Variants in EYS observed in about 807,000 individuals in gnomAD.
EYS encodes the protein protein eyes shut homolog.
EYS carries 250 observed loss-of-function variants against 282.1 expected under a neutral mutation model. That is an observed-to-expected ratio of 0.89 (90% CI 0.80 to 0.98). The LOEUF is 0.98. Among genes scored for constraint, EYS ranks in the 50% least tolerant of loss-of-function variants. The pLI is 0.00. For synonymous variants in EYS, 1,355 were observed against 1,282.9 expected, an observed-to-expected ratio of 1.06 and a Z score of -1.20; for missense variants, 4,016 against 3,709.0, an observed-to-expected ratio of 1.08 and a Z score of -2.15.
intron 22 of EYS, among the ~76,000 whole-genome samples, chr6:64,781,576 CAA>C (rs5876923): frequency 1.9e-3 from 167 of 87,704 alleles, no homozygotes; most frequent in African/African-American, 4.6e-3. Context: ...GACTCCGTCT[CAA>C]AAAAAAAAAA....
chr6:64,128,778 A>G (rs1006461607), intron 31 of EYS, among the ~76,000 whole-genome samples: 1 of 152,224 alleles, frequency 6.6e-6, no homozygotes, highest in African/African-American at 2.4e-5. Flanking sequence ...CTTCTAAGCA[A>G]TAATCATTAT....
intron 26 of EYS, among the ~76,000 whole-genome samples, chr6:64,521,898 G>A (rs1425382852): frequency 6.6e-6 from 1 of 151,828 alleles, no homozygotes; most frequent in East Asian, 1.9e-4. Flanking sequence ...CACAAGGAGT[G>A]ATAAGATGCA....
At chr6:65,661,288 C>T (rs1767992654) in intron 1 of EYS, among the ~76,000 whole-genome samples, 2 of 151,836 alleles carry the variant, frequency 1.3e-5, no homozygotes, top group South Asian at 4.1e-4. Context: ...TTTTTCCAGG[C>T]TATATCAGAA....
rs149071807 is a variant in EYS at position 63,941,913 on chromosome 6, C to T, written c.7055+42470G>A. On this transcript the variant is annotated intron_variant, in intron 35 of 42. Coordinates refer to ENST00000503581, the MANE Select transcript of EYS (RefSeq NM_001142800.2). ...AATTGGTTCCATTAATGCTTTGTCACTGAAGTCAGGAAGTACCATACATGT... is the reference window on the plus strand; with the variant it reads ...AATTGGTTCCATTAATGCTTTGTCATTGAAGTCAGGAAGTACCATACATGT... Among the ~76,000 whole-genome samples, 234 of 152,284 alleles carry T rather than the reference C, an allele frequency of 1.5e-3. 1 individual carries two copies. Among genetic ancestry groups the T allele is most frequent in the African/African-American group, 5.4e-3 (224 of 41,562 alleles).
At chr6:64,995,299 G>A (rs1330485293) in intron 14 of EYS, among the ~76,000 whole-genome samples, 1 of 152,058 alleles carries the variant, frequency 6.6e-6, no homozygotes, top group South Asian at 2.1e-4. Flanking sequence ...AACTCCAATG[G>A]GAGAATACAC....
At chr6:65,492,108 C>T (rs1299811539) in intron 4 of EYS, among the ~76,000 whole-genome samples, 1 of 152,166 alleles carries the variant, frequency 6.6e-6, no homozygotes, top group Non-Finnish European at 1.5e-5. Flanking sequence ...CAAATTAATG[C>T]AGTAAGCATT....
At chr6:65,013,412 G>A (rs1045882417) in intron 13 of EYS, among the ~76,000 whole-genome samples, 3 of 152,122 alleles carry the variant, frequency 2.0e-5, no homozygotes, top group African/African-American at 7.2e-5. Context: ...GAGGTGGGGG[G>A]CAGGTGTTTA....
At chr6:64,941,405 G>A (rs913344974) in intron 15 of EYS, among the ~76,000 whole-genome samples, 9 of 151,874 alleles carry the variant, frequency 5.9e-5, no homozygotes, top group African/African-American at 1.2e-4. Flanking sequence ...AAATATATAC[G>A]TGGTTATTAA....
At chr6:64,429,556 CAG>C (rs1301904026) in intron 28 of EYS, among the ~76,000 whole-genome samples, 1 of 152,138 alleles carries the variant, frequency 6.6e-6, no homozygotes, top group African/African-American at 2.4e-5. Context: ...GCTTAAATCA[CAG>C]AGGTGGAGGT....
At chr6:63,952,530 T>C (rs141665375) in intron 35 of EYS, among the ~76,000 whole-genome samples, 2,361 of 151,714 alleles carry the variant, frequency 0.016, 63 homozygotes, top group African/African-American at 0.053. Context: ...TAGGTATTGA[T>C]GGCCAGGCTT....
intron 41 of EYS, among the ~76,000 whole-genome samples, chr6:63,756,602 T>C (rs563244142): frequency 6.6e-6 from 1 of 152,258 alleles, no homozygotes; most frequent in Admixed American, 6.6e-5. Flanking sequence ...TTGTTGTGTC[T>C]CTGCCAGGCT....
chr6:64,429,792 A>G (rs1204541068), intron 28 of EYS, among the ~76,000 whole-genome samples: 1 of 152,186 alleles, frequency 6.6e-6, no homozygotes, highest in Non-Finnish European at 1.5e-5. Context: ...CTTGGAAAGG[A>G]AGAGAAAAAT....
At position 65,302,996 on chromosome 6, in the gene EYS, G is replaced by A. The variant is rs2150292089; in HGVS notation, c.1767-6877C>T. The A allele has an allele frequency of 2.6e-6, 4 of 1,520,196 alleles. No homozygotes were observed. The South Asian group carries it at 4.5e-5, about 17-fold the overall frequency. The allele number at this position is 1,520,196 out of a possible 1,614,324, so 94.2% of individuals were successfully genotyped here. A position where few individuals can be genotyped will look rare whatever the true frequency, so the allele number is the denominator to read the frequency against. Reference sequence around the variant, plus strand: ...CAAGCATCCACCAGTTGTAATTAATGCTGCAGATGATGATGAAGATGATGA... The same window carrying A: ...CAAGCATCCACCAGTTGTAATTAATACTGCAGATGATGATGAAGATGATGA... On this transcript the variant is annotated intron_variant, in intron 11 of 42. Coordinates refer to ENST00000503581, the MANE Select transcript of EYS (RefSeq NM_001142800.2).
intron 13 of EYS, among the ~76,000 whole-genome samples, chr6:65,013,490 C>A (rs574982100): frequency 1.3e-5 from 2 of 152,240 alleles, no homozygotes; most frequent in African/African-American, 4.8e-5. Flanking sequence ...GATCAATTTC[C>A]TTGCTAAAGA....
chr6:64,227,180 CATT>C (rs748527508), intron 31 of EYS, among the ~76,000 whole-genome samples: 26 of 152,032 alleles, frequency 1.7e-4, no homozygotes, highest in South Asian at 8.3e-4. Context: ...TAAGTGAAAT[CATT>C]ATGAAAAGAT....
chr6:64,486,836 G>A (rs758051912), intron 26 of EYS, among the ~76,000 whole-genome samples: 32 of 151,434 alleles, frequency 2.1e-4, no homozygotes, highest in Admixed American at 5.9e-4. Flanking sequence ...AACTAGGGAA[G>A]GAGGTGACCA....
At chr6:63,965,519 C>A (rs1322794207) in intron 35 of EYS, among the ~76,000 whole-genome samples, 1 of 152,094 alleles carries the variant, frequency 6.6e-6, no homozygotes, top group African/African-American at 2.4e-5. Context: ...TGACAAGCAC[C>A]CAGGTATCAA....
At chr6:64,836,173 A>G (rs2150031385) in intron 19 of EYS, among the ~76,000 whole-genome samples, 2 of 112,300 alleles carry the variant, frequency 1.8e-5, no homozygotes, top group Middle Eastern at 8.7e-3. Flanking sequence ...TACTTAAACA[A>G]TTATAACATG....
intron 2 of EYS, among the ~76,000 whole-genome samples, chr6:65,501,419 T>C (rs1182935287): frequency 1.3e-5 from 2 of 151,898 alleles, no homozygotes; most frequent in Non-Finnish European, 2.9e-5. Flanking sequence ...AGAGATAATA[T>C]ATTTTTTCTA....
Sources: gnomAD v4.1 joint callset for allele counts (sites outside exome capture counted in the v4.1 genomes callset) on GRCh38, gnomAD v4.1.1 for gene constraint, MANE v1.5 for transcripts, NCBI Gene and HGNC (gene_info 2026-07-23, HGNC 2026-07-21) for gene names.